Variants in COL6A1 observed in about 807,000 individuals in gnomAD.
COL6A1 encodes the protein collagen type VI alpha 1 chain, also known as collagen alpha-1(VI) chain.
Under a neutral mutation model 145.6 loss-of-function variants are expected in COL6A1, and 80 were observed. The ratio of observed to expected loss-of-function variants is 0.55; its 90% confidence interval spans 0.46 to 0.66. The LOEUF (loss-of-function observed/expected upper bound fraction) is 0.66. Ranked by LOEUF, COL6A1 falls within the 30% of genes least tolerant of loss-of-function variation. The pLI is 0.00. For synonymous variants in COL6A1, 638 were observed against 622.8 expected, an observed-to-expected ratio of 1.02 and a Z score of -0.36; for missense variants, 1,364 against 1,473.8, an observed-to-expected ratio of 0.93 and a Z score of 1.22.
At chr21:46,000,642 G>A (rs2077838458) in intron 28 of COL6A1, 117 bp from the exon 29 acceptor site, 2 of 1,353,896 alleles carry the variant, frequency 1.5e-6, no homozygotes, top group Non-Finnish European at 2.0e-6. Flanking sequence ...GAAGGGGGGA[G>A]GCCGGGGAAG....
chr21:46,003,536 C>T lies in COL6A1; in HGVS notation c.2610C>T (p.Asp870=), dbSNP rs759989949. The stretch of plus-strand genomic sequence containing the variant: ...CGGGCAGGACGGACCCCGCCCACGA[C>T]GTGCGGGTGGCGGTGGTGCAGTACA... ...LTAGRTDPAH[D]VRVAVVQYSG... The change falls in exon 35 of 35, where the codon GAC becomes GAT. Residue 870 remains aspartate (D), a synonymous_variant. Coordinates refer to ENST00000361866, the MANE Select transcript of COL6A1 (RefSeq NM_001848.3). 106 of 1,611,944 alleles carry T rather than the reference C, an allele frequency of 6.6e-5. 1 individual carries two copies. The highest frequency in any genetic ancestry group is 2.0e-4 in the African/African-American group (15 of 75,040).
In COL6A1 at chr21:46,002,282, C is replaced by T. The variant is rs761484013; in HGVS notation, c.2131C>T (p.Arg711Trp). The T allele has an allele frequency of 1.3e-5, 21 of 1,597,022 alleles. No individual in the cohort carries two copies. The highest frequency in any genetic ancestry group is 2.3e-5 in the East Asian group (1 of 44,206). The change falls in exon 32 of 35, where the codon CGG (arginine) becomes TGG (tryptophan). Residue 711 changes from arginine (R) to tryptophan (W), a missense_variant. Coordinates refer to ENST00000361866, the MANE Select transcript of COL6A1 (RefSeq NM_001848.3). ...CACGGGGGAGGCCCTGCAGTACACGCGGGACCAGCTGCTGCCGCCCAGCCC... is the reference window on the plus strand; with the variant it reads ...CACGGGGGAGGCCCTGCAGTACACGTGGGACCAGCTGCTGCCGCCCAGCCC... Reference protein sequence around the residue: ...TFTGEALQYTRDQLLPPSPNN... With the variant: ...TFTGEALQYTWDQLLPPSPNN...
intron 17 of COL6A1, 58 bp downstream of exon 17, chr21:45,992,275 T>C: frequency 6.2e-7 from 1 of 1,613,640 alleles, no homozygotes; most frequent in South Asian, 1.1e-5. Context: ...CTTCTGATCC[T>C]CTTTGCTCGG....
chr21:45,998,101 C>T lies in COL6A1; in HGVS notation c.1525-20C>T, dbSNP rs372668319. Reference sequence around the variant, plus strand: ...CAGGCCAGGCCGATTCGCACGGTGACGGCTACTCTGCTCCCCCAGGGAGAA... The same window carrying T: ...CAGGCCAGGCCGATTCGCACGGTGATGGCTACTCTGCTCCCCCAGGGAGAA... On this transcript the variant is annotated intron_variant, in intron 22 of 34. Coordinates refer to ENST00000361866, the MANE Select transcript of COL6A1 (RefSeq NM_001848.3). 2.5e-5 allele frequency: 40 copies of T among 1,611,384 alleles called. No individual in the cohort carries two copies. The highest frequency in any genetic ancestry group is 2.3e-4 in the African/African-American group (17 of 74,960).
Position 45,982,509 on chromosome 21 carries a change from G to T in COL6A1, c.98-125G>T, listed in dbSNP as rs2072698. The T allele has an allele frequency of 1.7e-3, 2,425 of 1,407,446 alleles. 77 individuals carry two copies. In the East Asian group the frequency reaches 0.052, roughly 30 times the overall value. The allele number at this position is 1,407,446 out of a possible 1,614,324, so 87.2% of individuals were successfully genotyped here. A position where few individuals can be genotyped will look rare whatever the true frequency, so the allele number is the denominator to read the frequency against. ...GAGGGACGTCCTGCTGCCTTTTCCC[G>T]GGAGAGCCTCTCCGGGCCCGGGGCT... is the stretch of plus-strand genomic sequence containing the variant. On this transcript the variant is annotated intron_variant, in intron 1 of 34. Transcript: ENST00000361866.
intron 24 of COL6A1, 76 bp downstream of exon 24, chr21:45,998,509 C>T (rs2077819813): frequency 6.3e-7 from 1 of 1,579,434 alleles, no homozygotes; most frequent in African/African-American, 1.3e-5. Context: ...CGTGTGAACA[C>T]ACATGTGCAC....
chr21:46,000,506 C>T, intron 28 of COL6A1, 139 bp downstream of exon 28: 1 of 1,191,140 alleles, frequency 8.4e-7, no homozygotes, highest in Non-Finnish European at 1.2e-6. Flanking sequence ...CAGCCAGCCC[C>T]TACCGGCCTC....
chr21:46,002,492 A>C, intron 32 of COL6A1, 35 bp from the exon 33 acceptor site: 1 of 1,613,232 alleles, frequency 6.2e-7, no homozygotes, highest in African/African-American at 1.3e-5. Flanking sequence ...AGGGCAGAGC[A>C]GGCTGCGCCA....
intron 27 of COL6A1, 30 bp from the exon 28 acceptor site, chr21:46,000,301 G>T: frequency 6.2e-7 from 1 of 1,613,698 alleles, no homozygotes; most frequent in Non-Finnish European, 8.5e-7. Context: ...GCTGTCTATG[G>T]CCCCAGTACC....
At position 46,003,443 on chromosome 21, in the gene COL6A1, C is replaced by A. The variant is rs141463437; in HGVS notation, c.2517C>A (p.Ser839Arg). ...CCATCCTGCTGGACGGCTCCGCCAG[C>A]GTGGGCAGCCACAACTTTGACACCA... ...DITILLDGSA[S>R]VGSHNFDTTK... Residue 839 changes from serine (S) to arginine (R), a missense_variant, in exon 35 of 35, where the codon AGC becomes AGA. Ser to Arg is a moderately radical substitution (Grantham distance 110, BLOSUM62 -1). Coordinates refer to ENST00000361866, the MANE Select transcript of COL6A1 (RefSeq NM_001848.3). The A allele has an allele frequency of 6.2e-7, 1 of 1,604,354 alleles. No individual in the cohort carries two copies. The highest frequency in any genetic ancestry group is 8.5e-7 in the Non-Finnish European group (1 of 1,179,656).
chr21:45,991,409 A>C (rs1050305207), intron 15 of COL6A1, among the ~76,000 whole-genome samples: 6 of 134,516 alleles, frequency 4.5e-5, no homozygotes, highest in African/African-American at 1.6e-4. Context: ...GGTGGCACTG[A>C]GGGTGGCGAG....
intron 27 of COL6A1, 86 bp from the exon 28 acceptor site, chr21:46,000,245 G>A: frequency 6.4e-7 from 1 of 1,557,056 alleles, no homozygotes. Flanking sequence ...GGGCCCCAGG[G>A]AGGGTGACCT....
At chr21:45,999,246 CGGT>C (rs1361502566) in intron 26 of COL6A1, 28 bp downstream of exon 26, 1 of 1,569,252 alleles carries the variant, frequency 6.4e-7, no homozygotes, top group African/African-American at 1.3e-5. Context: ...GGTGAGGCCA[CGGT>C]GGGCTGTGCC....
In COL6A1 at chr21:45,991,074, C is replaced by T. The variant is rs1482506818; in HGVS notation, c.1119+33C>T. The T allele has an allele frequency of 3.7e-6, 6 of 1,609,270 alleles. No homozygotes were observed. In the East Asian group the frequency reaches 1.3e-4, roughly 36 times the overall value. ...ACTTGCGGCCCCTGGAGGACCAGGGCCTTCACGGTTGGCCAAGCGCTGAAT... is the reference window on the plus strand; with the variant it reads ...ACTTGCGGCCCCTGGAGGACCAGGGTCTTCACGGTTGGCCAAGCGCTGAAT... On this transcript the variant is annotated intron_variant, in intron 15 of 34. Transcript: ENST00000361866.
intron 31 of COL6A1, 52 bp downstream of exon 31, chr21:46,002,122 T>C: frequency 6.3e-7 from 1 of 1,584,550 alleles, no homozygotes; most frequent in East Asian, 2.3e-5. Context: ...CGACCGCTGT[T>C]CCCACGGCAG....
chr21:45,999,920 GA>G (rs1276149532), intron 27 of COL6A1, among the ~76,000 whole-genome samples: 33 of 144,642 alleles, frequency 2.3e-4, no homozygotes, highest in Non-Finnish European at 2.9e-4. Context: ...GATCATGGGG[GA>G]CATGTGAGGA....
intron 8 of COL6A1, among the ~76,000 whole-genome samples, 167 bp from the exon 9 acceptor site, chr21:45,988,917 C>CGGGT (rs1440443291): frequency 6.6e-6 from 1 of 152,150 alleles, no homozygotes; most frequent in Non-Finnish European, 1.5e-5. Flanking sequence ...AGCTGGCGTG[C>CGGGT]GGGTTGGAGC....
chr21:45,995,664 C>G (rs1488075008), intron 20 of COL6A1, among the ~76,000 whole-genome samples: 1 of 152,238 alleles, frequency 6.6e-6, no homozygotes, highest in East Asian at 1.9e-4. Context: ...GCTGCAGGGC[C>G]TCCAGGGCTG....
In COL6A1 at chr21:46,003,911, C is replaced by T. The variant is rs759217203; in HGVS notation, c.2985C>T (p.Asp995=). 11 of 1,605,368 alleles carry T rather than the reference C, an allele frequency of 6.9e-6. No homozygotes were observed. The highest frequency in any genetic ancestry group is 2.7e-5 in the African/African-American group (2 of 74,830). The part of the protein sequence containing the change: ...VLVTGKTAEY[D]VAYGESHLFR... Reference sequence around the variant, plus strand: ...TCACCGGCAAGACGGCCGAGTACGACGTGGCCTACGGCGAGAGCCACCTGT... The same window carrying T: ...TCACCGGCAAGACGGCCGAGTACGATGTGGCCTACGGCGAGAGCCACCTGT... Residue 995 remains aspartate (D), a synonymous_variant, in exon 35 of 35, where the codon GAC becomes GAT. Coordinates refer to ENST00000361866, the MANE Select transcript of COL6A1 (RefSeq NM_001848.3).
Sources: allele counts gnomAD v4.1 joint callset (sites outside exome capture counted in the v4.1 genomes callset), GRCh38; gene constraint gnomAD v4.1.1; transcripts MANE v1.5; gene names NCBI Gene and HGNC (gene_info 2026-07-23, HGNC 2026-07-21).